CENPW: variants seen among roughly 807,000 people sequenced by gnomAD.
The protein encoded by CENPW is cancer-up-regulated gene 2 protein.
Under a neutral mutation model 11.1 loss-of-function variants are expected in CENPW, and 3 were observed. The ratio of observed to expected loss-of-function variants is 0.27; its 90% CI spans 0.12 to 0.70. The LOEUF (loss-of-function observed/expected upper bound fraction) is 0.70. CENPW is among the 30% of genes least tolerant of loss of function. The probability of loss-of-function intolerance (pLI) is 0.77; values close to 1 mark genes in which losing one functional copy is unlikely to be tolerated. For synonymous variants in CENPW, 38 were observed against 42.0 expected (o/e 0.91, Z 0.37); for missense variants, 100 against 105.6 (o/e 0.95, Z 0.23).
At chr6:126,384,357 C>G in the CENPW span, among the ~76,000 whole-genome samples, 1 of 152,008 alleles carries the variant, frequency 6.6e-6, no homozygotes, top group African/African-American at 2.4e-5. Flanking sequence ...CAGGAGGCAC[C>G]ATGATCCCCA....
At chr6:126,464,163 C>T in the CENPW span, among the ~76,000 whole-genome samples, 3 of 151,988 alleles carry the variant, frequency 2.0e-5, no homozygotes, top group African/African-American at 7.2e-5. Context: ...GCTGGTTTAA[C>T]ATTTGAAAAA....
chr6:126,406,423 G>C, the CENPW span, among the ~76,000 whole-genome samples: 2 of 152,030 alleles, frequency 1.3e-5, no homozygotes, highest in African/African-American at 4.8e-5. Context: ...GCGTATCTGT[G>C]TTCTCTTTTT....
the CENPW span, among the ~76,000 whole-genome samples, chr6:126,390,752 CTT>C: frequency 6.6e-6 from 1 of 151,948 alleles, no homozygotes. Context: ...GCTTATTTCA[CTT>C]AACATAATAA....
At chr6:126,478,788 G>A in the CENPW span, among the ~76,000 whole-genome samples, 1 of 152,002 alleles carries the variant, frequency 6.6e-6, no homozygotes, top group Non-Finnish European at 1.5e-5. Context: ...GCTGTGATGT[G>A]TGAAGGAGTA....
the CENPW span, among the ~76,000 whole-genome samples, chr6:126,474,434 T>C: frequency 6.6e-6 from 1 of 152,144 alleles, no homozygotes; most frequent in Non-Finnish European, 1.5e-5. Context: ...CACTGTGACC[T>C]GAGGTTCTTT....
chr6:126,435,769 T>C, the CENPW span, among the ~76,000 whole-genome samples: 1 of 151,938 alleles, frequency 6.6e-6, no homozygotes, highest in African/African-American at 2.4e-5. Context: ...TGAAAACCTT[T>C]GGACCACTGC....
At chr6:126,431,225 A>T in the CENPW span, among the ~76,000 whole-genome samples, 12 of 152,316 alleles carry the variant, frequency 7.9e-5, no homozygotes, top group East Asian at 2.3e-3. Flanking sequence ...AGTCCATTGG[A>T]TGATTAGAAG....
the CENPW span, among the ~76,000 whole-genome samples, chr6:126,430,558 C>G: frequency 4.9e-4 from 74 of 152,288 alleles, no homozygotes; most frequent in African/African-American, 1.6e-3. Flanking sequence ...CCAATGGGTC[C>G]TGTTCTGATT....
At chr6:126,359,234 G>A in the CENPW span, among the ~76,000 whole-genome samples, 1 of 151,944 alleles carries the variant, frequency 6.6e-6, no homozygotes, top group Non-Finnish European at 1.5e-5. Context: ...GGAATTTCAA[G>A]ATATCTTGAT....
downstream of CENPW, among the ~76,000 whole-genome samples, chr6:126,352,796 A>T (rs756642075): frequency 2.0e-5 from 3 of 151,996 alleles, no homozygotes; most frequent in Admixed American, 6.6e-5. Flanking sequence ...TTTGGTTTCT[A>T]TTATACATTT....
the CENPW span, among the ~76,000 whole-genome samples, chr6:126,447,955 T>C: frequency 6.6e-6 from 1 of 151,342 alleles, no homozygotes; most frequent in African/African-American, 2.4e-5. Context: ...CTTTCATGAA[T>C]ATGTATTATT....
chr6:126,357,562 G>A, the CENPW span, among the ~76,000 whole-genome samples: 4 of 151,548 alleles, frequency 2.6e-5, no homozygotes, highest in South Asian at 2.1e-4. Context: ...AACATTTTTC[G>A]ATTTATTTGT....
At chr6:126,380,560 C>A in the CENPW span, among the ~76,000 whole-genome samples, 1 of 152,218 alleles carries the variant, frequency 6.6e-6, no homozygotes, top group Admixed American at 6.5e-5. Flanking sequence ...TCTACTCTAG[C>A]ATGTGAATCT....
the CENPW span, among the ~76,000 whole-genome samples, chr6:126,435,161 C>T: frequency 6.6e-6 from 1 of 151,928 alleles, no homozygotes; most frequent in Non-Finnish European, 1.5e-5. Context: ...ACTTCTTTGT[C>T]TTAAAACATA....
chr6:126,453,866 G>A, the CENPW span, among the ~76,000 whole-genome samples: 1 of 151,064 alleles, frequency 6.6e-6, no homozygotes, highest in Non-Finnish European at 1.5e-5. Flanking sequence ...AGAAAAATCA[G>A]CCAAGCAAAG....
At chr6:126,480,721 A>T in the CENPW span, among the ~76,000 whole-genome samples, 2 of 151,950 alleles carry the variant, frequency 1.3e-5, no homozygotes, top group Non-Finnish European at 2.9e-5. Context: ...GAGTATAGAC[A>T]CTGCTTGTGC....
chr6:126,396,208 G>A, the CENPW span, among the ~76,000 whole-genome samples: 1 of 152,000 alleles, frequency 6.6e-6, no homozygotes, highest in African/African-American at 2.4e-5. Flanking sequence ...AAATCTATAT[G>A]GTGTTCTAAG....
the CENPW span, among the ~76,000 whole-genome samples, chr6:126,380,460 T>G: frequency 2.6e-5 from 4 of 152,164 alleles, no homozygotes; most frequent in Non-Finnish European, 1.5e-5. Flanking sequence ...GCTCTGCTGT[T>G]GTGTGTAATG....
the CENPW span, among the ~76,000 whole-genome samples, chr6:126,448,467 C>T: frequency 6.6e-6 from 1 of 151,072 alleles, no homozygotes; most frequent in Admixed American, 6.6e-5. Flanking sequence ...TGCACTAACA[C>T]ATGTTCTACA....
Sources: gnomAD v4.1 joint callset for allele counts (sites outside exome capture counted in the v4.1 genomes callset) on GRCh38, gnomAD v4.1.1 for gene constraint, MANE v1.5 for transcripts, NCBI Gene and HGNC (gene_info 2026-07-23, HGNC 2026-07-21) for gene names.